The following CCDC88C variants were observed in gnomAD, a reference collection of about 807,000 sequenced individuals.
The protein encoded by CCDC88C is protein Daple.
CCDC88C carries 131 observed loss-of-function variants against 198.8 expected under a neutral mutation model. That is an observed-to-expected ratio of 0.66 (90% CI 0.57 to 0.76). CCDC88C has a LOEUF of 0.76. Ranked by LOEUF, CCDC88C falls within the 30% of genes least tolerant of loss-of-function variation. CCDC88C has a pLI of 0.00. For synonymous variants in CCDC88C, 1,166 were observed against 1,114.7 expected (o/e 1.05, Z -0.92); for missense variants, 2,553 against 2,631.6 (o/e 0.97, Z 0.65).
intron 23 of CCDC88C, among the ~76,000 whole-genome samples, chr14:91,293,509 C>T (rs902163676): frequency 3.8e-5 from 3 of 78,742 alleles, no homozygotes; most frequent in Admixed American, 1.4e-4. Flanking sequence ...CCTGCCACGG[C>T]CTACCTTCCT....
In CCDC88C at chr14:91,325,500, C is replaced by A. The variant is rs558566290; in HGVS notation, c.1197+410G>T. On this transcript the variant is annotated intron_variant, in intron 11 of 29. Transcript: ENST00000389857. The surrounding 1 kb of genome is among the most constrained non-coding windows in gnomAD (Gnocchi z 4.1). ...GCAGTGGCAGCAGCAACGGCAGTAGCAGCAACAAACCCAGTAGCTAAACTA... is the reference window on the plus strand; with the variant it reads ...GCAGTGGCAGCAGCAACGGCAGTAGAAGCAACAAACCCAGTAGCTAAACTA... Among the ~76,000 whole-genome samples, 1 of 152,298 alleles carries A rather than the reference C, an allele frequency of 6.6e-6. No individual in the cohort carries two copies. The highest frequency in any genetic ancestry group is 2.1e-4 in the South Asian group (1 of 4,828).
intron 4 of CCDC88C, among the ~76,000 whole-genome samples, chr14:91,358,562 C>T (rs915631460): frequency 2.6e-5 from 4 of 152,228 alleles, no homozygotes; most frequent in South Asian, 2.1e-4. Flanking sequence ...GTGAAAGGGA[C>T]GCAAGGCATT....
chr14:91,348,369 T>C (rs999521945), intron 4 of CCDC88C, among the ~76,000 whole-genome samples: 5 of 150,946 alleles, frequency 3.3e-5, no homozygotes, highest in Admixed American at 3.3e-4. Flanking sequence ...GGTGCACTAT[T>C]TGGGAGGCTG....
intron 13 of CCDC88C, 92 bp from the exon 14 acceptor site, chr14:91,315,879 G>T: frequency 1.5e-6 from 2 of 1,309,476 alleles, no homozygotes; most frequent in Non-Finnish European, 1.1e-6. Flanking sequence ...CCAACAGAAT[G>T]CACTGATGGG....
intron 3 of CCDC88C, among the ~76,000 whole-genome samples, chr14:91,396,096 C>T (rs1885821850): frequency 6.6e-6 from 1 of 152,198 alleles, no homozygotes; most frequent in South Asian, 2.1e-4. Flanking sequence ...GATCAAGGGG[C>T]CCTGGATGCC....
chr14:91,306,865 G>C (rs2139788434), intron 18 of CCDC88C, among the ~76,000 whole-genome samples, 173 bp downstream of exon 18: 1 of 152,360 alleles, frequency 6.6e-6, no homozygotes, highest in Admixed American at 6.5e-5. Context: ...AATCACGGAA[G>C]GGACCTCAAA....
chr14:91,394,189 C>G (rs567810462), intron 3 of CCDC88C, among the ~76,000 whole-genome samples: 2 of 152,312 alleles, frequency 1.3e-5, no homozygotes, highest in East Asian at 3.9e-4. Context: ...TTCCACCCCC[C>G]AGGGACTGAG....
intron 4 of CCDC88C, among the ~76,000 whole-genome samples, chr14:91,345,752 G>C (rs978472248): frequency 6.6e-6 from 1 of 152,038 alleles, no homozygotes; most frequent in Non-Finnish European, 1.5e-5. Context: ...GGGGCTGAAT[G>C]CATCTTCACC....
chr14:91,345,795 A>G (rs1893518019), intron 4 of CCDC88C, among the ~76,000 whole-genome samples: 1 of 152,186 alleles, frequency 6.6e-6, no homozygotes, highest in Non-Finnish European at 1.5e-5. Context: ...AAACAGCAGC[A>G]GAACACCTGC....
At chr14:91,412,340 C>T (rs377466597) in intron 2 of CCDC88C, among the ~76,000 whole-genome samples, 28 of 152,106 alleles carry the variant, frequency 1.8e-4, no homozygotes, top group African/African-American at 6.3e-4. Context: ...AGAATATTGA[C>T]ATTGCTACCT....
chr14:91,321,454 T>C, intron 12 of CCDC88C, 150 bp from the exon 13 acceptor site: 3 of 789,888 alleles, frequency 3.8e-6, no homozygotes, highest in Non-Finnish European at 6.0e-6. Flanking sequence ...CCCTTCCTCC[T>C]GCCCCTCCAC....
At chr14:91,300,160 T>C in intron 20 of CCDC88C, 90 bp from the exon 21 acceptor site, 1 of 1,509,176 alleles carries the variant, frequency 6.6e-7, no homozygotes, top group Admixed American at 2.0e-5. Flanking sequence ...GTGCCTCCCG[T>C]GAGAAAATGG....
At chr14:91,341,200 G>T (rs17127261) in intron 6 of CCDC88C, among the ~76,000 whole-genome samples, 12,925 of 152,166 alleles carry the variant, frequency 0.085, 695 homozygotes, top group Admixed American at 0.16. Flanking sequence ...CACCCTAAGG[G>T]CACAGGATTG....
rs552305624 is a variant in CCDC88C at position 91,376,843 on chromosome 14, G to A, written c.271-17132C>T. Among the ~76,000 whole-genome samples, 12 of 152,310 alleles carry A rather than the reference G, an allele frequency of 7.9e-5. No individual in the cohort carries two copies. The South Asian group carries it at 1.7e-3, about 21-fold the overall frequency. ...ATGTCTGTCTCTCAGTCACACTGCC[G>A]AGCCCCTGAGGTTAATATCCCAAAG... is the stretch of plus-strand genomic sequence containing the variant. On this transcript the variant is annotated intron_variant, in intron 3 of 29. Coordinates refer to ENST00000389857, the MANE Select transcript of CCDC88C (RefSeq NM_001080414.4).
intron 4 of CCDC88C, among the ~76,000 whole-genome samples, chr14:91,356,593 G>A (rs537532281): frequency 1.3e-5 from 2 of 152,154 alleles, no homozygotes; most frequent in Admixed American, 6.5e-5. Flanking sequence ...ACTGAATTGT[G>A]GTTAGGGTTT....
At chr14:91,411,167 C>G (rs1158194318) in intron 2 of CCDC88C, among the ~76,000 whole-genome samples, 1 of 152,184 alleles carries the variant, frequency 6.6e-6, no homozygotes, top group East Asian at 1.9e-4. Flanking sequence ...CTAATCAAAA[C>G]AAAAGCCTCA....
intron 10 of CCDC88C, among the ~76,000 whole-genome samples, chr14:91,332,729 C>A (rs1892886836): frequency 6.6e-6 from 1 of 152,248 alleles, no homozygotes; most frequent in African/African-American, 2.4e-5. Context: ...AGCCCTGTCT[C>A]CAATCCCAAG....
In CCDC88C at chr14:91,339,167, G is replaced by A. The variant is rs1192043766; in HGVS notation, c.809+111C>T. Reference sequence around the variant, plus strand: ...CTCAGGGCAGACCCCAGCTGACTCCGGGGCACACGTCAGAGCTGTGCCATT... The same window carrying A: ...CTCAGGGCAGACCCCAGCTGACTCCAGGGCACACGTCAGAGCTGTGCCATT... On this transcript the variant is annotated intron_variant, in intron 8 of 29. Coordinates refer to ENST00000389857, the MANE Select transcript of CCDC88C (RefSeq NM_001080414.4). The surrounding 1 kb of genome is among the most constrained non-coding windows in gnomAD (Gnocchi z 5.8). 4.5e-6 allele frequency: 6 copies of A among 1,323,832 alleles called. No homozygotes were observed. Among genetic ancestry groups the A allele is most frequent in the Admixed American group, 2.0e-5 (1 of 51,104 alleles). 82.0% of individuals were successfully genotyped at this position (1,323,832 alleles called of 1,614,324 possible).
At position 91,314,299 on chromosome 14, in the gene CCDC88C, C is replaced by A; in HGVS notation, c.1666-149G>T. 7.8e-6 allele frequency: 5 copies of A among 642,018 alleles called. 1 individual carries two copies. The South Asian group carries it at 9.8e-5, about 13-fold the overall frequency. The allele number at this position is 642,018 out of a possible 1,614,324, so 39.8% of individuals were successfully genotyped here. ...GCCTGTGCGTTCCCCAGAGGCTTGA[C>A]AGACACAGGTGAGTGGGCACAGACA... On this transcript the variant is annotated intron_variant, in intron 14 of 29. Transcript: ENST00000389857.
Sources: allele counts gnomAD v4.1 joint callset (sites outside exome capture counted in the v4.1 genomes callset), GRCh38; gene constraint gnomAD v4.1.1; non-coding constraint Gnocchi (gnomAD v3.1); transcripts MANE v1.5; gene names NCBI Gene and HGNC (gene_info 2026-07-23, HGNC 2026-07-21).